Variants in ATP9A observed in about 807,000 individuals in gnomAD.
The protein encoded by ATP9A is probable phospholipid-transporting ATPase IIA.
Under a neutral mutation model 144.1 loss-of-function variants are expected in ATP9A, and 52 were observed. The ratio of observed to expected loss-of-function variants is 0.36; its 90% confidence interval spans 0.29 to 0.45. The LOEUF (loss-of-function observed/expected upper bound fraction) is 0.45, where lower values mean the gene tolerates loss of function less well. Among genes scored for constraint, ATP9A ranks in the 20% least tolerant of loss-of-function variants. The pLI, the probability that ATP9A is intolerant of heterozygous loss-of-function variation, is 1.00. For missense variants in ATP9A, 947 were observed against 1,392.7 expected (o/e 0.68, Z 5.09); for synonymous variants, 582 against 557.4 (o/e 1.04, Z -0.62).
chr20:51,731,895 G>A (rs921036721), intron 1 of ATP9A, among the ~76,000 whole-genome samples: 12 of 152,026 alleles, frequency 7.9e-5, no homozygotes, highest in African/African-American at 2.7e-4. Flanking sequence ...AAGGAAAAGG[G>A]GGAGCGGGGG....
intron 18 of ATP9A, among the ~76,000 whole-genome samples, chr20:51,622,927 A>G (rs558314748): frequency 2.0e-3 from 306 of 152,250 alleles, no homozygotes; most frequent in African/African-American, 6.9e-3. Context: ...AGATCATGAC[A>G]ATTGTCTCCT....
At chr20:51,613,856 C>T (rs1421008204) in intron 22 of ATP9A, 24 bp from the exon 23 acceptor site, 2 of 1,597,538 alleles carry the variant, frequency 1.3e-6, no homozygotes, top group Non-Finnish European at 1.7e-6. Context: ...AAATTAGGCA[C>T]CATCAGAAGC....
intron 22 of ATP9A, among the ~76,000 whole-genome samples, chr20:51,615,770 G>A (rs2077200890): frequency 6.6e-6 from 1 of 152,144 alleles, no homozygotes; most frequent in Admixed American, 6.5e-5. Context: ...CGAGTAGCTA[G>A]AATTACAGGC....
rs528882414 is a variant in ATP9A, at chr20:51,681,930, G to A, written c.800-5722C>T. 3.3e-5 allele frequency among the ~76,000 whole-genome samples: 5 copies of A among 152,256 alleles called. No individual in the cohort carries two copies. In the East Asian group the frequency reaches 9.7e-4, roughly 29 times the overall value. On this transcript the variant is annotated intron_variant, in intron 9 of 27. Transcript: ENST00000338821. ...ATGAAAATGCATTTATTACTGAAAT[G>A]CTAACATTTTCAGTAGCCAAGGTGG... is the stretch of plus-strand genomic sequence containing the variant.
chr20:51,658,645 G>A (rs890983806), intron 13 of ATP9A, among the ~76,000 whole-genome samples: 1 of 147,420 alleles, frequency 6.8e-6, no homozygotes, highest in Non-Finnish European at 1.5e-5. Flanking sequence ...TCAGCCTCCC[G>A]AGTAGCTGGC....
At chr20:51,643,978 T>C (rs1303198771) in intron 14 of ATP9A, among the ~76,000 whole-genome samples, 4 of 151,702 alleles carry the variant, frequency 2.6e-5, no homozygotes, top group South Asian at 2.1e-4. Context: ...TCTACAAAAA[T>C]ACAAAAACTA....
At chr20:51,748,911 A>AT (rs1467669633) in intron 1 of ATP9A, among the ~76,000 whole-genome samples, 3 of 122,474 alleles carry the variant, frequency 2.4e-5, no homozygotes, top group African/African-American at 9.2e-5. Flanking sequence ...TAAAGATTAG[A>AT]TAGATAGATA....
intron 25 of ATP9A, 79 bp downstream of exon 25, chr20:51,608,439 A>G (rs2077172213): frequency 1.1e-6 from 1 of 941,822 alleles, no homozygotes; most frequent in Non-Finnish European, 1.7e-6. Flanking sequence ...AAATTCAAAG[A>G]AAAAAAGCAG....
chr20:51,627,041 G>C (rs1411492188), intron 17 of ATP9A, among the ~76,000 whole-genome samples: 2 of 137,198 alleles, frequency 1.5e-5, no homozygotes, highest in East Asian at 4.4e-4. Context: ...TGGGCGACAA[G>C]AGCGAAACTC....
chr20:51,654,124 C>T (rs2077377897), intron 14 of ATP9A, among the ~76,000 whole-genome samples: 1 of 152,128 alleles, frequency 6.6e-6, no homozygotes, highest in South Asian at 2.1e-4. Context: ...CACACAATTC[C>T]CATCTCAGAA....
At chr20:51,641,385 G>A (rs1426542924) in intron 14 of ATP9A, among the ~76,000 whole-genome samples, 1 of 151,924 alleles carries the variant, frequency 6.6e-6, no homozygotes, top group Non-Finnish European at 1.5e-5. Flanking sequence ...TTAGGGTGGG[G>A]TGGTGCATGT....
Position 51,642,555 on chromosome 20 carries a change from G to C in ATP9A, c.1507-3051C>G, listed in dbSNP as rs1002934299. Among the ~76,000 whole-genome samples, 7 of 151,686 alleles carry C rather than the reference G, an allele frequency of 4.6e-5. No individual in the cohort carries two copies. The South Asian group carries it at 6.3e-4, about 14-fold the overall frequency. ...GTCTCACTGAGACAGGATCAAGGTCGCTTGATCACCATTGCTGCATTGCTG... is the reference window on the plus strand; with the variant it reads ...GTCTCACTGAGACAGGATCAAGGTCCCTTGATCACCATTGCTGCATTGCTG... On this transcript the variant is annotated intron_variant, in intron 14 of 27. Transcript: ENST00000338821.
chr20:51,738,620 G>C (rs1178613295), intron 1 of ATP9A, among the ~76,000 whole-genome samples: 1 of 152,130 alleles, frequency 6.6e-6, no homozygotes, highest in African/African-American at 2.4e-5. Context: ...TGACGCAGGA[G>C]AATCTCTTGA....
In ATP9A at chr20:51,597,873, TA is replaced by T. The variant is rs1238187544; in HGVS notation, c.*3337del. On this transcript the variant is annotated 3_prime_UTR_variant, in exon 28 of 28. Coordinates refer to ENST00000338821, the MANE Select transcript of ATP9A (RefSeq NM_006045.3). ...ATGTTCATAAAGAGACAATGATTTTTAAGATTTACTGTCACAAAAAAAAAAG... is the reference window on the plus strand; with the variant it reads ...ATGTTCATAAAGAGACAATGATTTTTAGATTTACTGTCACAAAAAAAAAAG... 1.3e-5 allele frequency: 2 copies of T among 149,618 alleles called. No homozygotes were observed. The highest frequency in any genetic ancestry group is 2.5e-5 in the African/African-American group (1 of 40,798). 9.3% of individuals were successfully genotyped at this position (149,618 alleles called of 1,614,324 possible).
chr20:51,741,389 C>A (rs2077784723), intron 1 of ATP9A, among the ~76,000 whole-genome samples: 1 of 152,086 alleles, frequency 6.6e-6, no homozygotes, highest in Non-Finnish European at 1.5e-5. Flanking sequence ...GACCATCTGA[C>A]CAACATGGAG....
At chr20:51,729,740 G>T in intron 2 of ATP9A, 94 bp downstream of exon 2, 1 of 1,377,218 alleles carries the variant, frequency 7.3e-7, no homozygotes. Flanking sequence ...GTAAGACTCT[G>T]TCTAAAAAAT....
At chr20:51,745,990 C>T (rs948524318) in intron 1 of ATP9A, among the ~76,000 whole-genome samples, 3 of 152,078 alleles carry the variant, frequency 2.0e-5, no homozygotes, top group South Asian at 2.1e-4. Flanking sequence ...TGGAATACTA[C>T]GCAGCCATAA....
At chr20:51,758,338 C>A (rs896715162) in intron 1 of ATP9A, among the ~76,000 whole-genome samples, 1 of 152,302 alleles carries the variant, frequency 6.6e-6, no homozygotes, top group East Asian at 1.9e-4. Flanking sequence ...TCACCACCTT[C>A]ATGAGTGACC....
intron 1 of ATP9A, among the ~76,000 whole-genome samples, chr20:51,731,818 C>G (rs2077742884): frequency 6.6e-6 from 1 of 152,112 alleles, no homozygotes; most frequent in African/African-American, 2.4e-5. Context: ...AGCCTTATTC[C>G]AAAGCCTAGT....
Sources: allele counts gnomAD v4.1 joint callset (sites outside exome capture counted in the v4.1 genomes callset), GRCh38; gene constraint gnomAD v4.1.1; transcripts MANE v1.5; gene names NCBI Gene and HGNC (gene_info 2026-07-23, HGNC 2026-07-21).